The following RCOR3 variants were observed in gnomAD, a reference collection of about 807,000 sequenced individuals.
The protein encoded by RCOR3 is REST corepressor 3.
In RCOR3, 13 loss-of-function variants were observed where a neutral mutation model predicts 64.1. The ratio of observed to expected loss-of-function variants is 0.20; its 90% CI spans 0.13 to 0.32. The LOEUF is 0.32. Among genes scored for constraint, RCOR3 ranks in the 10% least tolerant of loss-of-function variants. The probability of loss-of-function intolerance (pLI) is 1.00; values close to 1 mark genes in which losing one functional copy is unlikely to be tolerated. For synonymous variants in RCOR3, 215 were observed against 239.0 expected (o/e 0.90, Z 0.93); for missense variants, 489 against 701.2 (o/e 0.70, Z 3.42).
chr1:211,261,102 T>G (rs1694188968), intron 2 of RCOR3: 1 of 152,224 alleles, frequency 6.6e-6, no homozygotes, highest in Non-Finnish European at 1.5e-5. Context: ...CCACCTTTTT[T>G]TTTCCTCCTT....
At chr1:211,303,980 A>G (rs1700626089) in intron 9 of RCOR3, 103 bp from the exon 10 acceptor site, 1 of 595,628 alleles carries the variant, frequency 1.7e-6, no homozygotes, top group Non-Finnish European at 2.9e-6. Context: ...TCAGAGTTGT[A>G]GTAATCTCAT....
At chr1:211,278,689 T>C (rs1052350176) in intron 6 of RCOR3, among the ~76,000 whole-genome samples, 1 of 152,190 alleles carries the variant, frequency 6.6e-6, no homozygotes, top group Non-Finnish European at 1.5e-5. Flanking sequence ...TTTAAATCCC[T>C]TTCCCACTGG....
Position 211,259,468 on chromosome 1 carries a change from CCTCCTT to C in RCOR3, c.-92_-87del. The C allele has an allele frequency of 7.6e-7, 1 of 1,321,748 alleles. No individual in the cohort carries two copies. The highest frequency in any genetic ancestry group is 1.4e-5 in the South Asian group (1 of 72,186). 81.9% of individuals were successfully genotyped at this position (1,321,748 alleles called of 1,614,324 possible). A position where few individuals can be genotyped will look rare whatever the true frequency, so the allele number is the denominator to read the frequency against. On this transcript the variant is annotated 5_prime_UTR_variant, in exon 1 of 12. Coordinates refer to ENST00000419091, the MANE Select transcript of RCOR3 (RefSeq NM_001136223.3). ...GCCGCCGCCGCCGTCTCCTCCTCCT[CCTCCTT>C]TCCCTCCCGCCCGCGCTCTAAGCCA...
intron 6 of RCOR3, among the ~76,000 whole-genome samples, chr1:211,278,836 T>C (rs1334512644): frequency 2.0e-5 from 3 of 152,136 alleles, no homozygotes; most frequent in Non-Finnish European, 2.9e-5. Context: ...AAATAATATT[T>C]AGTAAAATTA....
chr1:211,271,528 G>C, intron 3 of RCOR3: 1 of 617,666 alleles, frequency 1.6e-6, no homozygotes, highest in South Asian at 1.5e-5. Flanking sequence ...TTTGTGTCAG[G>C]CCCATGAAGA....
chr1:211,260,523 C>T (rs973846329), intron 2 of RCOR3, among the ~76,000 whole-genome samples: 3 of 152,204 alleles, frequency 2.0e-5, no homozygotes, highest in Non-Finnish European at 4.4e-5. Flanking sequence ...ATGGACGAAC[C>T]GTGCAAATGT....
intron 4 of RCOR3, 79 bp downstream of exon 4, chr1:211,274,341 C>A: frequency 9.9e-7 from 1 of 1,014,200 alleles, no homozygotes; most frequent in Non-Finnish European, 1.5e-6. Context: ...AGTTTCTGTC[C>A]TAACAGCGTG....
At chr1:211,260,014 C>T (rs1693934545) in intron 1 of RCOR3, 94 bp from the exon 2 acceptor site, 1 of 1,426,912 alleles carries the variant, frequency 7.0e-7, no homozygotes, top group Non-Finnish European at 9.1e-7. Flanking sequence ...TTCTTTCCTC[C>T]ATCTAGCGAT....
chr1:211,271,638 G>C, intron 3 of RCOR3: 1 of 452,798 alleles, frequency 2.2e-6, no homozygotes, highest in Non-Finnish European at 4.3e-6. Context: ...TCAGTATATG[G>C]AGCGGTAAAG....
intron 7 of RCOR3, among the ~76,000 whole-genome samples, chr1:211,288,651 A>G (rs1348366427): frequency 6.7e-6 from 1 of 150,300 alleles, no homozygotes; most frequent in Non-Finnish European, 1.5e-5. Flanking sequence ...TTTCAGGGTT[A>G]AGATAATTGT....
At position 211,312,736 on chromosome 1, in the gene RCOR3, T is replaced by C. The variant is rs759350837; in HGVS notation, c.1092T>C (p.Gly364=). 4 of 1,614,084 alleles carry C rather than the reference T, an allele frequency of 2.5e-6. No individual in the cohort carries two copies. The highest frequency in any genetic ancestry group is 3.4e-6 in the Non-Finnish European group (4 of 1,179,972). Residue 364 remains glycine, a synonymous_variant, in exon 11 of 12, where the codon GGT becomes GGC. Transcript: ENST00000419091. This position sits in a 1 kb window ranked among gnomAD's most constrained non-coding sequence, Gnocchi z 5.0. ...GCCTTCCAGGTGTCCGCAAATATGG[T>C]AAAGATTTTCAAGCTATTGCAGATG... ...LLAVQGVRKY[G]KDFQAIADVI... is the part of the protein sequence containing the mutation.
intron 10 of RCOR3, among the ~76,000 whole-genome samples, chr1:211,309,854 G>A (rs1229281701): frequency 6.6e-6 from 1 of 152,164 alleles, no homozygotes; most frequent in Non-Finnish European, 1.5e-5. Flanking sequence ...CGCCTCACTG[G>A]AGATTCTTTT....
chr1:211,275,649 A>G (rs1363910964), intron 4 of RCOR3, among the ~76,000 whole-genome samples: 4 of 152,166 alleles, frequency 2.6e-5, no homozygotes, highest in Non-Finnish European at 5.9e-5. Context: ...AGTCTTTGTT[A>G]TGATTTGGTA....
In RCOR3 at chr1:211,312,978, A is replaced by C. The variant is rs184034715; in HGVS notation, c.1317+17A>C. On this transcript the variant is annotated intron_variant, in intron 11 of 11. Transcript: ENST00000419091. The surrounding 1 kb of genome is among the most constrained non-coding windows in gnomAD (Gnocchi z 5.0). ...GAAGAGGAGGTGTGTTTGTGTATGG[A>C]ATTTGAGCTAATATGAGTTGAGGAA... 1.2e-6 allele frequency: 2 copies of C among 1,614,058 alleles called. No homozygotes were observed. Among genetic ancestry groups the C allele is most frequent in the Admixed American group, 1.7e-5 (1 of 60,020 alleles).
At chr1:211,311,134 C>T (rs1701445826) in intron 10 of RCOR3, among the ~76,000 whole-genome samples, 1 of 152,046 alleles carries the variant, frequency 6.6e-6, no homozygotes, top group Non-Finnish European at 1.5e-5. Flanking sequence ...TTTTTATTAC[C>T]AAATAAACTC....
At chr1:211,286,587 G>A (rs1428448719) in intron 7 of RCOR3, among the ~76,000 whole-genome samples, 3 of 152,226 alleles carry the variant, frequency 2.0e-5, no homozygotes, top group East Asian at 3.9e-4. Context: ...GATTACAGGC[G>A]TGAGCCACTG....
chr1:211,300,620 T>C (rs1477089401), intron 9 of RCOR3, among the ~76,000 whole-genome samples: 1 of 152,240 alleles, frequency 6.6e-6, no homozygotes, highest in Non-Finnish European at 1.5e-5. Context: ...ATTTCCCCTG[T>C]CTTGGATGCA....
chr1:211,311,775 C>A (rs1405162865), intron 10 of RCOR3, among the ~76,000 whole-genome samples: 1 of 152,100 alleles, frequency 6.6e-6, no homozygotes, highest in Non-Finnish European at 1.5e-5. Flanking sequence ...GAGCTAAGTG[C>A]ATCTCCTTCT....
Position 211,315,018 on chromosome 1 carries a change from CAA to C in RCOR3, c.*1251_*1252del, listed in dbSNP as rs1701793388. On this transcript the variant is annotated 3_prime_UTR_variant, in exon 12 of 12. Transcript: ENST00000419091. ...TTTTTATAGAAAAACAAAAAGACATCAAGTCTTCTTAATTCAACCCATAATCA... is the reference window on the plus strand; with the variant it reads ...TTTTTATAGAAAAACAAAAAGACATCGTCTTCTTAATTCAACCCATAATCA... 6.6e-6 allele frequency: 1 copy of C among 152,124 alleles called. No homozygotes were observed. Among genetic ancestry groups the C allele is most frequent in the South Asian group, 2.1e-4 (1 of 4,830 alleles). The allele number at this position is 152,124 out of a possible 1,614,324, so 9.4% of individuals were successfully genotyped here. A position where few individuals can be genotyped will look rare whatever the true frequency, so the allele number is the denominator to read the frequency against.
Sources: gnomAD v4.1 joint callset for allele counts (sites outside exome capture counted in the v4.1 genomes callset) on GRCh38, gnomAD v4.1.1 for gene constraint, Gnocchi (gnomAD v3.1) non-coding constraint, MANE v1.5 for transcripts, NCBI Gene and HGNC (gene_info 2026-07-23, HGNC 2026-07-21) for gene names.